TPRG1: variants seen among roughly 807,000 people sequenced by gnomAD.
TPRG1 encodes the protein tumor protein p63 regulated 1.
A neutral mutation model predicts 29.3 loss-of-function variants in TPRG1; 29 were observed. That is an observed-to-expected ratio of 0.99 (90% CI 0.74 to 1.35). TPRG1 has a LOEUF of 1.35. TPRG1 is among the 40% of genes most tolerant of loss of function. The probability of loss-of-function intolerance (pLI) is 0.00; values close to 1 mark genes in which losing one functional copy is unlikely to be tolerated. For missense variants in TPRG1, 327 were observed against 335.0 expected, an observed-to-expected ratio of 0.98 and a Z score of 0.19; for synonymous variants, 130 against 116.8, an observed-to-expected ratio of 1.11 and a Z score of -0.73.
At chr3:189,308,046 T>A (rs183991798) in intron 4 of TPRG1, among the ~76,000 whole-genome samples, 265 of 152,314 alleles carry the variant, frequency 1.7e-3, no homozygotes, top group African/African-American at 6.1e-3. Context: ...AGATGATCGT[T>A]ACTGGCATCA....
At chr3:189,185,664 G>C (rs1730827776) in intron 1 of TPRG1, among the ~76,000 whole-genome samples, 1 of 152,118 alleles carries the variant, frequency 6.6e-6, no homozygotes, top group African/African-American at 2.4e-5. Context: ...AGAAGCCAGT[G>C]AGCCAGAGAT....
chr3:189,105,462 C>A (rs148138480), intron 1 of TPRG1, among the ~76,000 whole-genome samples: 82 of 152,236 alleles, frequency 5.4e-4, no homozygotes, highest in African/African-American at 1.6e-3. Flanking sequence ...TTGAGGCACA[C>A]TTTGCCCCCC....
At chr3:189,193,262 A>C (rs1366701860) in intron 1 of TPRG1, among the ~76,000 whole-genome samples, 2 of 149,890 alleles carry the variant, frequency 1.3e-5, no homozygotes, top group Non-Finnish European at 2.9e-5. Context: ...CAGCCTCCTG[A>C]GTAGCTGGGA....
At chr3:189,175,522 C>T (rs188906489) in intron 1 of TPRG1, among the ~76,000 whole-genome samples, 173 of 152,272 alleles carry the variant, frequency 1.1e-3, no homozygotes, top group African/African-American at 4.1e-3. Context: ...ATTGACCAGA[C>T]ATTAGTTCAT....
At position 189,014,206 on chromosome 3, in the gene TPRG1, C is replaced by T. The variant is rs9827061; in HGVS notation, c.-660+9446C>T. Among the ~76,000 whole-genome samples the T allele has an allele frequency of 2.3e-3, 351 of 152,276 alleles. 2 individuals are homozygous for T. Among genetic ancestry groups the T allele is most frequent in the African/African-American group, 7.7e-3 (318 of 41,554 alleles). On this transcript the variant is annotated intron_variant, in intron 3 of 10. Coordinates refer to the TPRG1 transcript ENST00000433971. Reference sequence around the variant, plus strand: ...TGTTGTAAGGCAGGTCTAGTGGTAACGAATTGCCTCAGGATTTGCTTGTCT... The same window carrying T: ...TGTTGTAAGGCAGGTCTAGTGGTAATGAATTGCCTCAGGATTTGCTTGTCT...
intron 5 of TPRG1, among the ~76,000 whole-genome samples, chr3:189,311,634 A>G (rs16864207): frequency 0.019 from 2,930 of 152,250 alleles, 57 homozygotes; most frequent in East Asian, 0.076. Flanking sequence ...TGAAAAGTCA[A>G]TGTTCCTCTC....
intron 4 of TPRG1, among the ~76,000 whole-genome samples, chr3:189,266,637 G>T (rs1714142933): frequency 6.6e-6 from 1 of 152,130 alleles, no homozygotes; most frequent in Non-Finnish European, 1.5e-5. Flanking sequence ...TTCAGGCCAA[G>T]CTGAAGGCAT....
intron 4 of TPRG1, among the ~76,000 whole-genome samples, chr3:189,075,263 G>A (rs1717089686): frequency 6.6e-6 from 1 of 152,092 alleles, no homozygotes; most frequent in African/African-American, 2.4e-5. Flanking sequence ...CTCCCAAGTA[G>A]CTGGGATTAC....
At chr3:189,032,828 A>G (rs895955849) in intron 4 of TPRG1, among the ~76,000 whole-genome samples, 4 of 136,810 alleles carry the variant, frequency 2.9e-5, no homozygotes, top group South Asian at 2.3e-4. Context: ...ATTCCCACCT[A>G]TGAGTGAGAA....
At chr3:189,162,696 G>T (rs1054529369) in intron 5 of TPRG1, among the ~76,000 whole-genome samples, 1 of 152,134 alleles carries the variant, frequency 6.6e-6, no homozygotes, top group South Asian at 2.1e-4. Flanking sequence ...AAAGACAGAG[G>T]TAGAAAACCC....
chr3:189,306,803 C>T (rs903324000), intron 4 of TPRG1, among the ~76,000 whole-genome samples: 6 of 151,566 alleles, frequency 4.0e-5, no homozygotes, highest in African/African-American at 1.2e-4. Flanking sequence ...TTTTATCATC[C>T]GTTATCCTCC....
chr3:189,165,463 G>C (rs768100866), intron 5 of TPRG1, among the ~76,000 whole-genome samples: 1 of 150,822 alleles, frequency 6.6e-6, no homozygotes, highest in African/African-American at 2.4e-5. Flanking sequence ...ATCTGGCAAG[G>C]CTTGTTGACA....
intron 4 of TPRG1, among the ~76,000 whole-genome samples, chr3:189,252,261 A>G (rs985800956): frequency 2.0e-5 from 3 of 152,312 alleles, no homozygotes; most frequent in East Asian, 1.9e-4. Context: ...CTTAGTACAG[A>G]GCAAAATGGA....
intron 4 of TPRG1, among the ~76,000 whole-genome samples, chr3:189,272,713 C>CTCCTTCCTTCCTTCCTTCCTTCCT (rs59828840): frequency 7.6e-6 from 1 of 132,412 alleles, no homozygotes. Flanking sequence ...TTCTTTCTTT[C>CTCCTTCCTTCCTTCCTTCCTTCCT]TCCTTCCTTC....
At chr3:189,251,496 G>T (rs563421161) in intron 4 of TPRG1, among the ~76,000 whole-genome samples, 1 of 151,944 alleles carries the variant, frequency 6.6e-6, no homozygotes, top group Non-Finnish European at 1.5e-5. Context: ...GGGGACCAGC[G>T]TTCAGCATAC....
chr3:189,270,878 G>A (rs185909612), intron 4 of TPRG1, among the ~76,000 whole-genome samples: 2 of 152,140 alleles, frequency 1.3e-5, no homozygotes, highest in East Asian at 1.9e-4. Context: ...TTCCTACCAT[G>A]AGACTACTCA....
chr3:189,098,573 G>C (rs1718845174), upstream of TPRG1, among the ~76,000 whole-genome samples: 1 of 152,042 alleles, frequency 6.6e-6, no homozygotes, highest in African/African-American at 2.4e-5. Flanking sequence ...TAAAATCTTG[G>C]GTGTTCAGAG....
At chr3:189,123,619 C>G (rs903025234) in intron 1 of TPRG1, 3 of 152,174 alleles carry the variant, frequency 2.0e-5, no homozygotes, top group African/African-American at 7.2e-5. Flanking sequence ...AGGAAAAAGA[C>G]CAGACTCGGA....
At position 189,047,787 on chromosome 3, in the gene TPRG1, G is replaced by A. The variant is rs117692580; in HGVS notation, c.-463+23841G>A. ...AAGAAACAACTTTCTTTGCTTCTCC[G>A]TAAGAAGTAACTCCTCATCTGTTAA... On this transcript the variant is annotated intron_variant, in intron 4 of 10. Transcript: ENST00000433971. Among the ~76,000 whole-genome samples, 327 of 152,206 alleles carry A rather than the reference G, an allele frequency of 2.1e-3. 3 individuals are homozygous for A. In the East Asian group the frequency reaches 0.034, roughly 16 times the overall value.
Sources: allele counts gnomAD v4.1 joint callset (sites outside exome capture counted in the v4.1 genomes callset), GRCh38; gene constraint gnomAD v4.1.1; transcripts MANE v1.5; gene names NCBI Gene and HGNC (gene_info 2026-07-23, HGNC 2026-07-21).